NOX4: variants seen among roughly 807,000 people sequenced by gnomAD.
NOX4 encodes the protein NADPH oxidase 4, also known as kidney oxidase-1.
A neutral mutation model predicts 87.6 loss-of-function variants in NOX4; 69 were observed. That is an observed-to-expected ratio of 0.79 (90% CI 0.65 to 0.96). NOX4 has a LOEUF of 0.96. Among genes scored for constraint, NOX4 ranks in the 40% least tolerant of loss-of-function variants. NOX4 has a pLI of 0.00. For missense variants in NOX4, 680 were observed against 681.5 expected (o/e 1.00, Z 0.02); for synonymous variants, 275 against 238.2 (o/e 1.15, Z -1.42).
chr11:89,381,801 C>T (rs1235904079), intron 11 of NOX4, among the ~76,000 whole-genome samples: 1 of 152,218 alleles, frequency 6.6e-6, no homozygotes, highest in East Asian at 1.9e-4. Context: ...CAAGGAACAT[C>T]ACCAATTTTA....
chr11:89,544,515 C>G, the NOX4 span, among the ~76,000 whole-genome samples: 17 of 152,080 alleles, frequency 1.1e-4, no homozygotes, highest in African/African-American at 4.1e-4. Context: ...GTAAAAGAGG[C>G]ATTTAAAAGT....
chr11:89,429,448 T>C (rs1943651932), intron 7 of NOX4, among the ~76,000 whole-genome samples: 2 of 151,840 alleles, frequency 1.3e-5, no homozygotes, highest in Admixed American at 6.6e-5. Context: ...ATCAACAAAA[T>C]TGATAGACCG....
chr11:89,490,501 T>C lies in NOX4; in HGVS notation c.110A>G (p.Tyr37Cys), dbSNP rs1285370891. 6.2e-7 allele frequency: 1 copy of C among 1,613,948 alleles called. No individual in the cohort carries two copies. The highest frequency in any genetic ancestry group is 8.5e-7 in the Non-Finnish European group (1 of 1,179,956). ...GTAGTGATACTCTGGCCCTTGGTTA[T>C]ACAGCAAGAAGGTTTTCCAGAAAAG... ...VLLFWKTFLL[Y>C]NQGPEYHYLH... is the part of the protein sequence containing the mutation. Residue 37 changes from tyrosine to cysteine, a missense_variant, in exon 2 of 18, where the codon TAT becomes TGT. Coordinates refer to ENST00000263317, the MANE Select transcript of NOX4 (RefSeq NM_016931.5).
In NOX4 at chr11:89,451,860, A is replaced by G. The variant is rs1301314156; in HGVS notation, c.189T>C (p.Val63=). 6.2e-7 allele frequency: 1 copy of G among 1,613,256 alleles called. No individual in the cohort carries two copies. The highest frequency in any genetic ancestry group is 8.5e-7 in the Non-Finnish European group (1 of 1,179,486). Residue 63 remains valine, a synonymous_variant, in exon 3 of 18, where the codon GTT becomes GTC. Coordinates refer to ENST00000263317, the MANE Select transcript of NOX4 (RefSeq NM_016931.5). ...GGATAAGGCTGCAGTTGAGGTTAAG[A>G]ACAGATGCTGAGGCTCTGCTTAGAC... The part of the protein sequence containing the change: ...GLCLSRASAS[V]LNLNCSLILL...
the NOX4 span, among the ~76,000 whole-genome samples, chr11:89,583,905 C>T: frequency 6.6e-6 from 1 of 152,110 alleles, no homozygotes; most frequent in Non-Finnish European, 1.5e-5. Flanking sequence ...TAAATGAATG[C>T]AACCAATAAA....
chr11:89,538,672 A>G, the NOX4 span, among the ~76,000 whole-genome samples: 1 of 152,158 alleles, frequency 6.6e-6, no homozygotes, highest in Non-Finnish European at 1.5e-5. Context: ...ATTACTAAGT[A>G]ATAAATTTCT....
At chr11:89,568,639 T>A in the NOX4 span, among the ~76,000 whole-genome samples, 1 of 152,206 alleles carries the variant, frequency 6.6e-6, no homozygotes, top group Non-Finnish European at 1.5e-5. Flanking sequence ...GCTGTTCCTA[T>A]CAAACTATCA....
intron 17 of NOX4, among the ~76,000 whole-genome samples, chr11:89,334,441 G>C (rs1298708639): frequency 6.6e-6 from 1 of 151,748 alleles, no homozygotes; most frequent in African/African-American, 2.4e-5. Context: ...ACTGTAATCT[G>C]AATCACATGG....
the NOX4 span, among the ~76,000 whole-genome samples, chr11:89,572,151 G>A: frequency 6.6e-6 from 1 of 152,098 alleles, no homozygotes; most frequent in African/African-American, 2.4e-5. Flanking sequence ...TGACCACCTT[G>A]GGCACATGTC....
At chr11:89,515,454 T>C in the NOX4 span, among the ~76,000 whole-genome samples, 1,367 of 151,996 alleles carry the variant, frequency 9.0e-3, 19 homozygotes, top group East Asian at 0.03. Flanking sequence ...TTTACATTTA[T>C]ATATTTTGGA....
Position 89,467,993 on chromosome 11 carries a change from C to G in NOX4, c.154-16098G>C, listed in dbSNP as rs77362777. Reference sequence around the variant, plus strand: ...ACATATAGGAGGGATTCTGTTGTGACTAAATATTTTACTTATCAGTAAATT... The same window carrying G: ...ACATATAGGAGGGATTCTGTTGTGAGTAAATATTTTACTTATCAGTAAATT... On this transcript the variant is annotated intron_variant, in intron 2 of 17. Transcript: ENST00000263317. 5.9e-3 allele frequency among the ~76,000 whole-genome samples: 891 copies of G among 152,270 alleles called. 14 individuals are homozygous for G. Among genetic ancestry groups the G allele is most frequent in the African/African-American group, 0.02 (842 of 41,556 alleles).
intron 8 of NOX4, among the ~76,000 whole-genome samples, chr11:89,412,532 G>T (rs1402703430): frequency 6.6e-6 from 1 of 152,016 alleles, no homozygotes; most frequent in African/African-American, 2.4e-5. Flanking sequence ...CAAATACACA[G>T]AAATTTTACA....
rs1418087049 is a variant in NOX4 at position 89,451,910 on chromosome 11, C to G, written c.154-15G>C. On this transcript the variant is annotated splice_polypyrimidine_tract_variant and intron_variant, in intron 2 of 17. Coordinates refer to ENST00000263317, the MANE Select transcript of NOX4 (RefSeq NM_016931.5). ...CACAATCCTAGCTGAACAAATAAGG[C>G]AAGGTCAGCACACAGTTAAGGACAG... is the stretch of plus-strand genomic sequence containing the variant. The G allele has an allele frequency of 6.4e-7, 1 of 1,560,782 alleles. No homozygotes were observed. The highest frequency in any genetic ancestry group is 1.7e-5 in the Admixed American group (1 of 59,816).
At chr11:89,562,310 G>A in the NOX4 span, among the ~76,000 whole-genome samples, 2 of 151,990 alleles carry the variant, frequency 1.3e-5, no homozygotes, top group East Asian at 1.9e-4. Context: ...ATGAAAAAAA[G>A]GAGCCTTAAG....
At chr11:89,367,682 A>G (rs1939110598) in intron 12 of NOX4, among the ~76,000 whole-genome samples, 1 of 152,080 alleles carries the variant, frequency 6.6e-6, no homozygotes, top group Non-Finnish European at 1.5e-5. Context: ...TCTATTTGAT[A>G]TAACATTGGC....
chr11:89,374,497 G>A (rs1281013658), intron 11 of NOX4, among the ~76,000 whole-genome samples: 5 of 152,062 alleles, frequency 3.3e-5, no homozygotes, highest in African/African-American at 9.7e-5. Context: ...CATGTGTCAC[G>A]GGAAGTGTTA....
At chr11:89,401,106 G>A (rs1159082862) in intron 9 of NOX4, among the ~76,000 whole-genome samples, 2 of 152,018 alleles carry the variant, frequency 1.3e-5, no homozygotes, top group African/African-American at 2.4e-5. Context: ...ACATCCCTTT[G>A]AGGCCTCCAA....
intron 2 of NOX4, among the ~76,000 whole-genome samples, chr11:89,482,699 C>A (rs1354732178): frequency 3.3e-5 from 5 of 152,050 alleles, no homozygotes; most frequent in Admixed American, 2.6e-4. Context: ...ATTAGTTATA[C>A]AAGTCCACCT....
At chr11:89,574,269 C>T in the NOX4 span, among the ~76,000 whole-genome samples, 1 of 152,132 alleles carries the variant, frequency 6.6e-6, no homozygotes, top group Non-Finnish European at 1.5e-5. Context: ...AACCCATTCT[C>T]AAGGGATTTA....
Sources: gnomAD v4.1 joint callset for allele counts (sites outside exome capture counted in the v4.1 genomes callset) on GRCh38, gnomAD v4.1.1 for gene constraint, MANE v1.5 for transcripts, NCBI Gene and HGNC (gene_info 2026-07-23, HGNC 2026-07-21) for gene names.